The following AOPEP variants were observed in gnomAD, a reference collection of about 807,000 sequenced individuals.
AOPEP encodes aminopeptidase O (putative), also known as aminopeptidase O.
In AOPEP, 77 loss-of-function variants were observed where a neutral mutation model predicts 98.1. The observed-to-expected ratio is 0.78, with a 90% confidence interval of 0.65 to 0.95. The LOEUF is 0.95. Ranked by LOEUF, AOPEP falls within the 40% of genes least tolerant of loss-of-function variation. AOPEP has a pLI of 0.00. For missense variants in AOPEP, 1,024 were observed against 1,024.7 expected, an observed-to-expected ratio of 1.00 and a Z score of 0.01; for synonymous variants, 346 against 365.3, an observed-to-expected ratio of 0.95 and a Z score of 0.60.
At chr9:94,943,934 A>AC (rs767450485) in intron 7 of AOPEP, among the ~76,000 whole-genome samples, 6,463 of 150,136 alleles carry the variant, frequency 0.043, 537 homozygotes, top group African/African-American at 0.14. Flanking sequence ...AAAAAAAAAA[A>AC]AAAAAAAAAA....
chr9:94,885,551 C>T (rs2135948334), intron 5 of AOPEP, among the ~76,000 whole-genome samples: 1 of 152,160 alleles, frequency 6.6e-6, no homozygotes, highest in East Asian at 1.9e-4. Flanking sequence ...CTCCTACTCG[C>T]ATTCCTCAGC....
Position 94,882,758 on chromosome 9 carries a change from G to A in AOPEP, c.1365-41228G>A, listed in dbSNP as rs368807656. On this transcript the variant is annotated intron_variant, in intron 5 of 16. Coordinates refer to ENST00000375315, the MANE Select transcript of AOPEP (RefSeq NM_001193329.3). ...GCCATTGCATTCCAGCCTGGGCGTC[G>A]CGAGACTCCGTCTCAAAAAAACAAA... 7.9e-5 allele frequency among the ~76,000 whole-genome samples: 12 copies of A among 152,290 alleles called. No homozygotes were observed. The South Asian group carries it at 1.2e-3, about 16-fold the overall frequency.
chr9:94,793,089 G>C (rs1431709615), intron 4 of AOPEP, among the ~76,000 whole-genome samples, 171 bp downstream of exon 4: 1 of 152,238 alleles, frequency 6.6e-6, no homozygotes, highest in Non-Finnish European at 1.5e-5. Context: ...GAGAGGGCTA[G>C]GCGCAGTGGC....
intron 5 of AOPEP, among the ~76,000 whole-genome samples, chr9:94,881,289 CT>C (rs1009925516): frequency 2.7e-5 from 4 of 148,814 alleles, no homozygotes; most frequent in African/African-American, 9.9e-5. Context: ...CTTAGGCTTC[CT>C]TTAGTGGTGA....
intron 1 of AOPEP, among the ~76,000 whole-genome samples, chr9:94,756,519 T>C (rs1466219816): frequency 6.6e-6 from 1 of 152,106 alleles, no homozygotes; most frequent in African/African-American, 2.4e-5. Context: ...ATGTTCAGAA[T>C]AGGGTGTAAT....
At chr9:95,138,597 A>G in the AOPEP span, among the ~76,000 whole-genome samples, 1 of 152,278 alleles carries the variant, frequency 6.6e-6, no homozygotes, top group African/African-American at 2.4e-5. Flanking sequence ...TTCAGGATCC[A>G]TGTAACACGA....
At chr9:94,794,478 C>A (rs2133535888) in intron 4 of AOPEP, among the ~76,000 whole-genome samples, 1 of 152,300 alleles carries the variant, frequency 6.6e-6, no homozygotes, top group South Asian at 2.1e-4. Context: ...TTTACTAGTA[C>A]CACAGTAACT....
At chr9:95,047,013 A>G (rs1161931959) in intron 13 of AOPEP, among the ~76,000 whole-genome samples, 1 of 152,204 alleles carries the variant, frequency 6.6e-6, no homozygotes, top group African/African-American at 2.4e-5. Flanking sequence ...TGTCATATTA[A>G]TATTTAGAGA....
intron 11 of AOPEP, among the ~76,000 whole-genome samples, chr9:94,994,063 A>T (rs72750371): frequency 6.6e-6 from 1 of 152,062 alleles, no homozygotes; most frequent in Admixed American, 6.5e-5. Context: ...CACTTTTCAC[A>T]TTCCATGCAG....
chr9:94,949,128 A>G (rs1291924257), intron 7 of AOPEP, among the ~76,000 whole-genome samples: 1 of 152,192 alleles, frequency 6.6e-6, no homozygotes, highest in Non-Finnish European at 1.5e-5. Flanking sequence ...GAATGGGACA[A>G]TATAGCACTC....
At chr9:94,908,249 G>A (rs1199268393) in intron 5 of AOPEP, among the ~76,000 whole-genome samples, 1 of 152,114 alleles carries the variant, frequency 6.6e-6, no homozygotes, top group Non-Finnish European at 1.5e-5. Context: ...GCAGGCCACC[G>A]AAAGAAGCGA....
Position 94,737,011 on chromosome 9 carries a change from T to G in AOPEP, c.-136+10260T>G, listed in dbSNP as rs968207591. ...CATTCAGAGCTTGTCTAGAGAAATC[T>G]TATTCTTCCTTTGGGTAGTAGTGGG... is the stretch of plus-strand genomic sequence containing the variant. On this transcript the variant is annotated intron_variant, in intron 1 of 16. Transcript: ENST00000375315. Among the ~76,000 whole-genome samples, 13 of 152,346 alleles carry G rather than the reference T, an allele frequency of 8.5e-5. No individual in the cohort carries two copies. The South Asian group carries it at 2.5e-3, about 29-fold the overall frequency.
intron 13 of AOPEP, among the ~76,000 whole-genome samples, chr9:95,028,991 C>T (rs566020248): frequency 2.6e-5 from 4 of 152,162 alleles, no homozygotes; most frequent in African/African-American, 4.8e-5. Flanking sequence ...TGGAAGGCAG[C>T]GCCAGCTGGT....
intron 14 of AOPEP, among the ~76,000 whole-genome samples, chr9:95,065,092 ATAAG>A (rs1453106073): frequency 1.3e-5 from 2 of 152,224 alleles, no homozygotes; most frequent in Admixed American, 6.5e-5. Flanking sequence ...CTGGCTACAA[ATAAG>A]TAAGACATTT....
chr9:94,854,527 T>C (rs1244655110), intron 5 of AOPEP, among the ~76,000 whole-genome samples: 1 of 152,212 alleles, frequency 6.6e-6, no homozygotes, highest in Non-Finnish European at 1.5e-5. Flanking sequence ...GCTGTATCCC[T>C]AGTGCCAAGC....
intron 4 of AOPEP, among the ~76,000 whole-genome samples, chr9:94,799,403 T>TAAA (rs765788408): frequency 2.7e-4 from 36 of 132,892 alleles, no homozygotes; most frequent in African/African-American, 9.7e-4. Context: ...CCCCATCTCT[T>TAAA]AAAAAAAAAA....
chr9:95,101,691 A>G, the AOPEP span: 6 of 1,613,180 alleles, frequency 3.7e-6, no homozygotes, highest in Middle Eastern at 1.7e-4. Flanking sequence ...GGGCACCCAC[A>G]CGGCCTGCGT....
At chr9:94,949,066 C>G (rs533404062) in intron 7 of AOPEP, among the ~76,000 whole-genome samples, 1 of 152,192 alleles carries the variant, frequency 6.6e-6, no homozygotes, top group Non-Finnish European at 1.5e-5. Flanking sequence ...CTTGGCTCTC[C>G]GTTTTTCTCT....
intron 5 of AOPEP, chr9:94,900,335 A>G (rs2050219719): frequency 6.6e-6 from 1 of 152,258 alleles, no homozygotes; most frequent in South Asian, 2.1e-4. Flanking sequence ...TAGCCTGCTA[A>G]TGTAAGCACT....
Sources: allele counts gnomAD v4.1 joint callset (sites outside exome capture counted in the v4.1 genomes callset), GRCh38; gene constraint gnomAD v4.1.1; transcripts MANE v1.5; gene names NCBI Gene and HGNC (gene_info 2026-07-23, HGNC 2026-07-21).